Variants in NKAIN3 observed in about 807,000 individuals in gnomAD.
The protein encoded by NKAIN3 is sodium/potassium transporting ATPase interacting 3.
NKAIN3 carries 25 observed loss-of-function variants against 30.2 expected under a neutral mutation model. The ratio of observed to expected loss-of-function variants is 0.83; its 90% confidence interval spans 0.60 to 1.16. The LOEUF (loss-of-function observed/expected upper bound fraction) is 1.16. Among genes scored for constraint, NKAIN3 ranks in the 50% most tolerant of loss-of-function variants. NKAIN3 has a pLI of 0.00. For missense variants in NKAIN3, 225 were observed against 254.1 expected (o/e 0.89, Z 0.78); for synonymous variants, 91 against 89.6 (o/e 1.02, Z -0.09).
At chr8:62,750,441 A>G (rs1249973775) in intron 4 of NKAIN3, among the ~76,000 whole-genome samples, 1 of 152,150 alleles carries the variant, frequency 6.6e-6, no homozygotes. Context: ...GGAAACGAAT[A>G]CAATTAACTG....
chr8:62,489,294 G>C (rs558142462), intron 1 of NKAIN3, among the ~76,000 whole-genome samples: 1 of 151,934 alleles, frequency 6.6e-6, no homozygotes, highest in Non-Finnish European at 1.5e-5. Flanking sequence ...CAAAGTGCTG[G>C]GATTAGAGGC....
intron 1 of NKAIN3, among the ~76,000 whole-genome samples, chr8:62,505,373 T>C (rs572231323): frequency 7.9e-5 from 12 of 152,182 alleles, no homozygotes; most frequent in African/African-American, 2.9e-4. Flanking sequence ...TAGAGGAATA[T>C]ATACAACAGT....
At chr8:62,271,106 T>G (rs1812765863) in intron 1 of NKAIN3, among the ~76,000 whole-genome samples, 1 of 152,104 alleles carries the variant, frequency 6.6e-6, no homozygotes, top group Admixed American at 6.6e-5. Flanking sequence ...GCTGCTTTAG[T>G]TTTAGTTAGA....
chr8:62,404,994 T>A (rs930480521), intron 1 of NKAIN3, among the ~76,000 whole-genome samples: 19 of 152,032 alleles, frequency 1.2e-4, no homozygotes, highest in African/African-American at 4.6e-4. Context: ...TGCAACCGAG[T>A]CCTTCCTTTT....
At chr8:62,667,876 A>G (rs1813176664) in intron 3 of NKAIN3, among the ~76,000 whole-genome samples, 1 of 151,976 alleles carries the variant, frequency 6.6e-6, no homozygotes, top group Non-Finnish European at 1.5e-5. Flanking sequence ...ACTTACTTTC[A>G]AGGTGTTCCT....
intron 4 of NKAIN3, among the ~76,000 whole-genome samples, chr8:62,901,362 T>C (rs1346663447): frequency 6.6e-6 from 1 of 152,074 alleles, no homozygotes; most frequent in Admixed American, 6.6e-5. Flanking sequence ...ACTTCCCACA[T>C]GGGAAGCTGA....
intron 1 of NKAIN3, among the ~76,000 whole-genome samples, chr8:62,497,592 G>A (rs192853009): frequency 4.8e-4 from 73 of 152,092 alleles, no homozygotes; most frequent in African/African-American, 1.7e-3. Flanking sequence ...ATTTTCAATG[G>A]AGACACACCA....
At chr8:62,292,333 A>G (rs1813669629) in intron 1 of NKAIN3, among the ~76,000 whole-genome samples, 1 of 152,104 alleles carries the variant, frequency 6.6e-6, no homozygotes, top group African/African-American at 2.4e-5. Flanking sequence ...CCTAGCCTCG[A>G]TGGTCTTTAC....
At chr8:62,260,480 G>A (rs1318541275) in intron 1 of NKAIN3, among the ~76,000 whole-genome samples, 1 of 152,118 alleles carries the variant, frequency 6.6e-6, no homozygotes, top group African/African-American at 2.4e-5. Flanking sequence ...GCTTCAAAAG[G>A]TCCTCAAGAA....
At chr8:62,371,963 A>C (rs1331999128) in intron 1 of NKAIN3, among the ~76,000 whole-genome samples, 1 of 151,894 alleles carries the variant, frequency 6.6e-6, no homozygotes, top group African/African-American at 2.4e-5. Context: ...GATTATCAAA[A>C]TGCCATTCCA....
chr8:62,994,201 G>T (rs1205016174), intron 5 of NKAIN3, among the ~76,000 whole-genome samples: 1 of 152,198 alleles, frequency 6.6e-6, no homozygotes, highest in East Asian at 1.9e-4. Context: ...GAAAAGATTA[G>T]AAACAACCCA....
intron 4 of NKAIN3, among the ~76,000 whole-genome samples, chr8:62,789,249 A>G (rs1408029421): frequency 2.0e-5 from 3 of 152,020 alleles, no homozygotes; most frequent in Non-Finnish European, 4.4e-5. Context: ...GGTCCTTCAC[A>G]TCCCTTGTAA....
chr8:62,276,448 G>A (rs1451942133), intron 1 of NKAIN3, among the ~76,000 whole-genome samples: 5 of 152,114 alleles, frequency 3.3e-5, no homozygotes, highest in African/African-American at 1.2e-4. Flanking sequence ...TGGCAGCACT[G>A]GATATAAGAA....
intron 3 of NKAIN3, among the ~76,000 whole-genome samples, chr8:62,651,579 G>A (rs867883961): frequency 6.6e-6 from 1 of 152,180 alleles, no homozygotes; most frequent in Non-Finnish European, 1.5e-5. Context: ...AGCACATTTG[G>A]TGTCTGGTGA....
intron 1 of NKAIN3, chr8:62,483,465 A>T (rs1386736511): frequency 6.1e-6 from 1 of 165,036 alleles, no homozygotes; most frequent in East Asian, 1.6e-4. Flanking sequence ...GGCTGAGCAG[A>T]TGCTCAGGCT....
chr8:62,299,534 C>G (rs960250231), intron 1 of NKAIN3, among the ~76,000 whole-genome samples: 2 of 152,086 alleles, frequency 1.3e-5, no homozygotes, highest in African/African-American at 4.8e-5. Flanking sequence ...ATTGAAAGCA[C>G]AATGGTTAAC....
intron 1 of NKAIN3, among the ~76,000 whole-genome samples, chr8:62,438,269 AC>A (rs1252671547): frequency 7.9e-5 from 12 of 152,184 alleles, no homozygotes; most frequent in African/African-American, 2.9e-4. Context: ...CAGGTAAAGG[AC>A]CTATCTTTAT....
intron 3 of NKAIN3, among the ~76,000 whole-genome samples, chr8:62,612,885 A>G (rs1348043402): frequency 1.3e-5 from 2 of 152,132 alleles, no homozygotes; most frequent in African/African-American, 4.8e-5. Context: ...GCAAGCAAAA[A>G]GAAAGCTAAT....
rs76204121 is a variant in NKAIN3, at chr8:62,650,366, C to T, written c.273+60572C>T. Reference sequence around the variant, plus strand: ...CCTATAGTCACTCTTTGCTCCAATCCGTCATCAAGCAAATAATCCCCAAAC... The same window carrying T: ...CCTATAGTCACTCTTTGCTCCAATCTGTCATCAAGCAAATAATCCCCAAAC... On this transcript the variant is annotated intron_variant, in intron 3 of 6. Transcript: ENST00000623646. Among the ~76,000 whole-genome samples, 470 of 152,202 alleles carry T rather than the reference C, an allele frequency of 3.1e-3. 4 individuals carry two copies. The highest frequency in any genetic ancestry group is 0.011 in the African/African-American group (447 of 41,526).
Sources: gnomAD v4.1 joint callset for allele counts (sites outside exome capture counted in the v4.1 genomes callset) on GRCh38, gnomAD v4.1.1 for gene constraint, MANE v1.5 for transcripts, NCBI Gene and HGNC (gene_info 2026-07-23, HGNC 2026-07-21) for gene names.